SLC6A14: variants seen among roughly 807,000 people sequenced by gnomAD.
SLC6A14 encodes the protein sodium- and chloride-dependent neutral and basic amino acid transporter B(0+).
SLC6A14 carries 21 observed loss-of-function variants against 51.4 expected under a neutral mutation model. The ratio of observed to expected loss-of-function variants is 0.41; its 90% confidence interval spans 0.29 to 0.59. The LOEUF is 0.59. Among genes scored for constraint, SLC6A14 ranks in the 20% least tolerant of loss-of-function variants. The pLI is 0.31. For synonymous variants in SLC6A14, 177 were observed against 160.7 expected, an observed-to-expected ratio of 1.10 and a Z score of -0.77; for missense variants, 371 against 472.8, an observed-to-expected ratio of 0.78 and a Z score of 2.00.
At chrX:116,441,724 G>A (rs1927600692) in intron 3 of SLC6A14, among the ~76,000 whole-genome samples, 1 of 112,140 alleles carries the variant, frequency 8.9e-6, no homozygotes, top group African/African-American at 3.2e-5. Flanking sequence ...TGTTCTGGAA[G>A]AGTGGAGAAA....
intron 13 of SLC6A14, 131 bp from the exon 14 acceptor site, chrX:116,458,678 G>A: frequency 1.8e-6 from 1 of 551,022 alleles, no homozygotes; most frequent in Non-Finnish European, 2.7e-6. Context: ...ACACTTTTTA[G>A]TTTTCTATGA....
intron 3 of SLC6A14, 44 bp downstream of exon 3, chrX:116,441,141 C>T: frequency 8.5e-7 from 1 of 1,177,240 alleles, no homozygotes; most frequent in Non-Finnish European, 1.1e-6. Flanking sequence ...ATTTTCTTCA[C>T]CATGCTTTTT....
chrX:116,440,919 A>T (rs1602510258), intron 2 of SLC6A14, 47 bp from the exon 3 acceptor site: 1 of 1,191,299 alleles, frequency 8.4e-7, no homozygotes, highest in Non-Finnish European at 1.1e-6. Context: ...AGTGCCATCA[A>T]GACTTCGAGC....
At chrX:116,444,891 G>A in intron 5 of SLC6A14, 27 bp from the exon 6 acceptor site, 5 of 1,204,390 alleles carry the variant, frequency 4.2e-6, no homozygotes, top group Non-Finnish European at 5.6e-6. Flanking sequence ...GTGATTCTGT[G>A]ATCATAAAAT....
chrX:116,452,151 A>T (rs1927837766), intron 8 of SLC6A14, among the ~76,000 whole-genome samples: 1 of 111,496 alleles, frequency 9.0e-6, no homozygotes, highest in Non-Finnish European at 1.9e-5. Flanking sequence ...CTGGGGGAAA[A>T]TACTAGGGTT....
At chrX:116,451,114 C>A (rs188225109) in intron 7 of SLC6A14, among the ~76,000 whole-genome samples, 2 of 111,665 alleles carry the variant, frequency 1.8e-5, no homozygotes, top group Admixed American at 9.5e-5. Flanking sequence ...AAAAATGGCA[C>A]GTTGTATATG....
At position 116,446,860 on chromosome X, in the gene SLC6A14, T is replaced by C; in HGVS notation, c.909T>C (p.Phe303=). The C allele has an allele frequency of 8.3e-7, 1 of 1,209,313 alleles. No individual in the cohort carries two copies. The highest frequency in any genetic ancestry group is 1.1e-6 in the Non-Finnish European group (1 of 893,768). The change falls in exon 7 of 14, where the codon TTT becomes TTC. Residue 303 remains phenylalanine (F), a synonymous_variant. Coordinates refer to ENST00000598581, the MANE Select transcript of SLC6A14 (RefSeq NM_007231.5). ...ACTATATTGGAGCCCAGTCAAATTT[T>C]ACAAAACTTAAGGAAGCTGAGGTGA... ...ISYYIGAQSN[F]TKLKEAEVWK...
chrX:116,437,048 A>G (rs915765741), intron 1 of SLC6A14, among the ~76,000 whole-genome samples: 8 of 111,472 alleles, frequency 7.2e-5, no homozygotes, highest in Non-Finnish European at 1.5e-4. Context: ...GTACAAAAGT[A>G]CACTGTTCTT....
At chrX:116,446,688 T>A in intron 6 of SLC6A14, 53 bp from the exon 7 acceptor site, 1 of 989,899 alleles carries the variant, frequency 1.0e-6, no homozygotes, top group Non-Finnish European at 1.4e-6. Context: ...TATACAGTTA[T>A]ACACCATGAT....
chrX:116,456,861 T>C (rs782189784), intron 12 of SLC6A14, among the ~76,000 whole-genome samples: 40 of 112,196 alleles, frequency 3.6e-4, no homozygotes, highest in Non-Finnish European at 6.8e-4. Context: ...TTTTGTTTTG[T>C]TTTGCTTTAC....
In SLC6A14 at chrX:116,437,422, G is replaced by A. The variant is rs782371002; in HGVS notation, c.49-368G>A. On this transcript the variant is annotated intron_variant, in intron 1 of 13. Transcript: ENST00000598581. ...GACTTTTGTATTTGAAACCTGATTT[G>A]TCTACTTTCATTTTTCCCTCACACC... Among the ~76,000 whole-genome samples the A allele has an allele frequency of 1.5e-4, 17 of 110,764 alleles. No individual in the cohort carries two copies. In the South Asian group the frequency reaches 1.9e-3, roughly 12 times the overall value.
intron 8 of SLC6A14, among the ~76,000 whole-genome samples, chrX:116,452,115 G>T (rs1556694450): frequency 1.8e-5 from 2 of 111,804 alleles, no homozygotes. Flanking sequence ...ATTAGCTAGG[G>T]ATGCTTAATT....
rs782325888 is a variant in SLC6A14 at position 116,450,481 on chromosome X, A to G, written c.931-961A>G. ...AAAGAACAATTTGGCAAGATTTAGT[A>G]GAAGGGAGGAATACATATACTTTTC... On this transcript the variant is annotated intron_variant, in intron 7 of 13. Coordinates refer to ENST00000598581, the MANE Select transcript of SLC6A14 (RefSeq NM_007231.5). Among the ~76,000 whole-genome samples, 3 of 111,857 alleles carry G rather than the reference A, an allele frequency of 2.7e-5. No individual in the cohort carries two copies. The South Asian group carries it at 1.1e-3, about 42-fold the overall frequency.
intron 13 of SLC6A14, among the ~76,000 whole-genome samples, chrX:116,458,238 G>C (rs1308187330): frequency 9.0e-6 from 1 of 111,674 alleles, no homozygotes; most frequent in African/African-American, 3.2e-5. Context: ...ACCCAATCTA[G>C]AGCCTGAGTC....
At chrX:116,444,767 G>GTA (rs782693699) in intron 5 of SLC6A14, 151 bp from the exon 6 acceptor site, 1 of 522,898 alleles carries the variant, frequency 1.9e-6, no homozygotes, top group African/African-American at 2.4e-5. Context: ...CGTATTGATA[G>GTA]TATCTATCAA....
At position 116,436,700 on chromosome X, in the gene SLC6A14, G is replaced by GA. The variant is rs1556693302; in HGVS notation, c.-10_-9insA. ...AGGAGGCGAGGCGGAGCCAGCCGAGGGAGTGAACCATGGACAAGTTGAAAT... is the reference window on the plus strand; with the variant it reads ...AGGAGGCGAGGCGGAGCCAGCCGAGGAGAGTGAACCATGGACAAGTTGAAAT... On this transcript the variant is annotated 5_prime_UTR_variant, in exon 1 of 14. Transcript: ENST00000598581. 16 of 1,162,578 alleles carry GA rather than the reference G, an allele frequency of 1.4e-5. No homozygotes were observed. The South Asian group carries it at 2.9e-4, about 21-fold the overall frequency.
chrX:116,440,136 C>T (rs782307273), intron 2 of SLC6A14, among the ~76,000 whole-genome samples: 5 of 110,683 alleles, frequency 4.5e-5, no homozygotes, highest in East Asian at 2.8e-4. Flanking sequence ...CTTGCTTCAA[C>T]GTATAATTTG....
intron 1 of SLC6A14, 24 bp downstream of exon 1, chrX:116,436,781 G>A: frequency 8.6e-7 from 1 of 1,156,438 alleles, no homozygotes; most frequent in East Asian, 3.3e-5. Context: ...AGCTGCGGGA[G>A]GTGTGGAGGA....
intron 7 of SLC6A14, among the ~76,000 whole-genome samples, chrX:116,448,144 T>G (rs1556694166): frequency 8.9e-6 from 1 of 112,088 alleles, no homozygotes; most frequent in Non-Finnish European, 1.9e-5. Context: ...CTTGTAAAGA[T>G]TTTTTGTAAG....
Sources: gnomAD v4.1 joint callset for allele counts (sites outside exome capture counted in the v4.1 genomes callset) on GRCh38, gnomAD v4.1.1 for gene constraint, MANE v1.5 for transcripts, NCBI Gene and HGNC (gene_info 2026-07-23, HGNC 2026-07-21) for gene names.